Variants in KLF8 observed in about 807,000 individuals in gnomAD.
The protein encoded by KLF8 is Krueppel-like factor 8.
Under a neutral mutation model 18.2 loss-of-function variants are expected in KLF8, and 10 were observed. The ratio of observed to expected loss-of-function variants is 0.55; its 90% CI spans 0.34 to 0.93. The LOEUF is 0.93. Among genes scored for constraint, KLF8 ranks in the 40% least tolerant of loss-of-function variants. KLF8 has a pLI of 0.02. For synonymous variants in KLF8, 109 were observed against 97.3 expected (o/e 1.12, Z -0.71); for missense variants, 264 against 277.9 (o/e 0.95, Z 0.36).
chrX:56,276,892 T>C (rs1460037489), intron 5 of KLF8, among the ~76,000 whole-genome samples: 2 of 111,843 alleles, frequency 1.8e-5, no homozygotes, highest in Admixed American at 1.9e-4. Context: ...AGATTTGCCT[T>C]TTTGAGGCTA....
chrX:56,210,901 A>G, the KLF8 span, among the ~76,000 whole-genome samples: 46 of 107,628 alleles, frequency 4.3e-4, no homozygotes, highest in Middle Eastern at 4.4e-3. Flanking sequence ...AATTATTTCC[A>G]TCTGTTTGGT....
chrX:56,022,258 T>A, the KLF8 span, among the ~76,000 whole-genome samples: 2 of 110,370 alleles, frequency 1.8e-5, no homozygotes, highest in Non-Finnish European at 3.8e-5. Context: ...TCAAGAAAAA[T>A]GTCTGAGGCC....
At chrX:56,079,869 T>C in the KLF8 span, among the ~76,000 whole-genome samples, 1 of 111,753 alleles carries the variant, frequency 8.9e-6, no homozygotes, top group Non-Finnish European at 1.9e-5. Flanking sequence ...TAGTTAGCTG[T>C]TCTTGTTGAA....
the KLF8 span, among the ~76,000 whole-genome samples, chrX:56,203,967 T>G: frequency 9.0e-6 from 1 of 111,464 alleles, no homozygotes; most frequent in East Asian, 2.8e-4. Flanking sequence ...GGGGAAGGTC[T>G]TTGGTATTTT....
At chrX:56,189,873 G>A in the KLF8 span, among the ~76,000 whole-genome samples, 94 of 67,424 alleles carry the variant, frequency 1.4e-3, 2 homozygotes, top group African/African-American at 4.8e-3. Context: ...ACTGTTGTGG[G>A]GTGGGGGGAG....
At chrX:55,988,334 G>C in the KLF8 span, among the ~76,000 whole-genome samples, 1 of 111,193 alleles carries the variant, frequency 9.0e-6, no homozygotes, top group Non-Finnish European at 1.9e-5. Context: ...TATGGTTTTA[G>C]GTCTAACATG....
the KLF8 span, among the ~76,000 whole-genome samples, chrX:56,138,283 G>A: frequency 1.2e-4 from 13 of 111,258 alleles, no homozygotes; most frequent in Non-Finnish European, 2.5e-4. Context: ...TTTCAAAAAT[G>A]GAGAAGGAAG....
At chrX:56,106,484 T>G in the KLF8 span, among the ~76,000 whole-genome samples, 1 of 112,042 alleles carries the variant, frequency 8.9e-6, no homozygotes, top group Non-Finnish European at 1.9e-5. Flanking sequence ...CTGATACCCT[T>G]TCTTCCATTT....
At chrX:56,056,831 TAAAAA>T in the KLF8 span, among the ~76,000 whole-genome samples, 1 of 62,729 alleles carries the variant, frequency 1.6e-5, no homozygotes. Flanking sequence ...ATTGCAGGTG[TAAAAA>T]AAAAAAAAAA....
At chrX:56,079,473 G>A in the KLF8 span, among the ~76,000 whole-genome samples, 2 of 111,626 alleles carry the variant, frequency 1.8e-5, no homozygotes, top group Non-Finnish European at 3.8e-5. Context: ...TCTTAATCCT[G>A]AGTTCTAGTT....
At chrX:55,987,044 C>T in the KLF8 span, among the ~76,000 whole-genome samples, 57,829 of 109,815 alleles carry the variant, frequency 0.53, 13,669 homozygotes, top group East Asian at 0.75. Context: ...TGGTTGATTC[C>T]ATGTTTTTGC....
chrX:56,184,235 CAG>C, the KLF8 span, among the ~76,000 whole-genome samples: 1 of 112,351 alleles, frequency 8.9e-6, no homozygotes, highest in Non-Finnish European at 1.9e-5. Context: ...GCACCTGGCT[CAG>C]AGAGTCCTAT....
the KLF8 span, among the ~76,000 whole-genome samples, chrX:56,087,704 T>G: frequency 8.9e-6 from 1 of 112,186 alleles, no homozygotes; most frequent in Non-Finnish European, 1.9e-5. Flanking sequence ...AATGGAGCTC[T>G]GTTCTTTAAG....
At chrX:56,269,829 G>A (rs1348787656) in intron 4 of KLF8, among the ~76,000 whole-genome samples, 1 of 112,067 alleles carries the variant, frequency 8.9e-6, no homozygotes, top group Non-Finnish European at 1.9e-5. Flanking sequence ...ATTGGAAGTA[G>A]TTGGCTTGTG....
chrX:56,183,975 C>A, the KLF8 span, among the ~76,000 whole-genome samples: 1 of 111,131 alleles, frequency 9.0e-6, no homozygotes, highest in Non-Finnish European at 1.9e-5. Context: ...GCATTTCCAT[C>A]TGAGGTACCA....
At chrX:56,182,954 A>G in the KLF8 span, among the ~76,000 whole-genome samples, 1 of 112,235 alleles carries the variant, frequency 8.9e-6, no homozygotes, top group Non-Finnish European at 1.9e-5. Flanking sequence ...TCATTCTCAG[A>G]TCTCAAACTC....
chrX:56,268,942 C>T, intron 3 of KLF8: 1 of 949,808 alleles, frequency 1.1e-6, no homozygotes, highest in Non-Finnish European at 1.3e-6. Context: ...GATGTTCTCA[C>T]ATCTGGACTA....
intron 5 of KLF8, among the ~76,000 whole-genome samples, chrX:56,282,407 C>A (rs2067213426): frequency 8.9e-6 from 1 of 112,390 alleles, no homozygotes; most frequent in Non-Finnish European, 1.9e-5. Flanking sequence ...GCAGCTAATG[C>A]AGCTATTTCT....
At chrX:56,191,284 C>A in the KLF8 span, among the ~76,000 whole-genome samples, 148 of 111,436 alleles carry the variant, frequency 1.3e-3, no homozygotes, top group Non-Finnish European at 2.4e-3. Flanking sequence ...ATGAACAGAC[C>A]AAAAACAGGT....
Sources: allele counts gnomAD v4.1 joint callset (sites outside exome capture counted in the v4.1 genomes callset), GRCh38; gene constraint gnomAD v4.1.1; transcripts MANE v1.5; gene names NCBI Gene and HGNC (gene_info 2026-07-23, HGNC 2026-07-21).